Variants in CA10 observed in about 807,000 individuals in gnomAD.
CA10 encodes carbonic anhydrase-related protein 10.
Under a neutral mutation model 44.2 loss-of-function variants are expected in CA10, and 14 were observed. The ratio of observed to expected loss-of-function variants is 0.32; its 90% CI spans 0.21 to 0.50. The LOEUF is 0.50. CA10 is among the 20% of genes least tolerant of loss of function. The pLI is 0.99. For missense variants in CA10, 350 were observed against 409.7 expected (o/e 0.85, Z 1.26); for synonymous variants, 159 against 141.6 (o/e 1.12, Z -0.87).
At chr17:51,749,402 G>A (rs1367680472) in intron 3 of CA10, among the ~76,000 whole-genome samples, 1 of 152,172 alleles carries the variant, frequency 6.6e-6, no homozygotes, top group Non-Finnish European at 1.5e-5. Flanking sequence ...CCATGCAAAT[G>A]AGCCTGGGCT....
At chr17:52,005,014 A>T (rs1189388539) in intron 2 of CA10, among the ~76,000 whole-genome samples, 1 of 151,840 alleles carries the variant, frequency 6.6e-6, no homozygotes, top group Non-Finnish European at 1.5e-5. Context: ...AAGAAATAAG[A>T]CCCTCAAGTA....
At chr17:52,102,942 A>G (rs1248268574) in intron 1 of CA10, among the ~76,000 whole-genome samples, 1 of 152,154 alleles carries the variant, frequency 6.6e-6, no homozygotes, top group Non-Finnish European at 1.5e-5. Context: ...CTTACTGTTG[A>G]CATGCATATA....
intron 3 of CA10, among the ~76,000 whole-genome samples, chr17:51,913,054 A>G (rs1981852698): frequency 6.6e-6 from 1 of 152,180 alleles, no homozygotes; most frequent in Non-Finnish European, 1.5e-5. Flanking sequence ...GCTAAGGGGC[A>G]GTGTGGAAGG....
intron 3 of CA10, among the ~76,000 whole-genome samples, chr17:51,917,837 T>C (rs1982065252): frequency 6.6e-6 from 1 of 152,106 alleles, no homozygotes; most frequent in Non-Finnish European, 1.5e-5. Context: ...GGGCACAATA[T>C]CCCAACTATA....
intron 2 of CA10, among the ~76,000 whole-genome samples, chr17:51,955,609 C>A (rs2097491135): frequency 6.6e-6 from 1 of 152,106 alleles, no homozygotes; most frequent in Non-Finnish European, 1.5e-5. Flanking sequence ...TTCTGAGAAA[C>A]CTTCCAGCCA....
intron 2 of CA10, among the ~76,000 whole-genome samples, chr17:51,980,609 T>C (rs1598150842): frequency 1.3e-5 from 2 of 152,140 alleles, no homozygotes; most frequent in Non-Finnish European, 2.9e-5. Flanking sequence ...ATGTCTAGGA[T>C]GGTATTGCCT....
At chr17:51,696,855 A>G (rs1915419832) in intron 4 of CA10, among the ~76,000 whole-genome samples, 1 of 152,234 alleles carries the variant, frequency 6.6e-6, no homozygotes, top group African/African-American at 2.4e-5. Context: ...GCAGCAAAAA[A>G]CAAACATATA....
chr17:51,769,716 G>A (rs1905526218), intron 3 of CA10, among the ~76,000 whole-genome samples: 1 of 152,138 alleles, frequency 6.6e-6, no homozygotes, highest in Non-Finnish European at 1.5e-5. Flanking sequence ...TAGCTAGTGA[G>A]TTAAACACTA....
intron 6 of CA10, 31 bp downstream of exon 6, chr17:51,649,151 G>T (rs748261466): frequency 6.6e-7 from 1 of 1,521,372 alleles, no homozygotes; most frequent in East Asian, 2.2e-5. Context: ...TTATAGAATA[G>T]TTGCTGTGGA....
chr17:51,983,810 A>G (rs1296230957), intron 2 of CA10, among the ~76,000 whole-genome samples: 1 of 151,746 alleles, frequency 6.6e-6, no homozygotes, highest in Non-Finnish European at 1.5e-5. Context: ...TCATGATTGG[A>G]GATAAAATTT....
At chr17:51,938,166 G>T (rs1335117796) in intron 2 of CA10, among the ~76,000 whole-genome samples, 1 of 152,158 alleles carries the variant, frequency 6.6e-6, no homozygotes, top group East Asian at 1.9e-4. Context: ...AAAAATGGGG[G>T]TGACAGCTAC....
chr17:52,095,348 G>T lies in CA10; in HGVS notation c.62-22955C>A, dbSNP rs140821432. 1.3e-4 allele frequency among the ~76,000 whole-genome samples: 20 copies of T among 152,210 alleles called. No homozygotes were observed. In the East Asian group the frequency reaches 3.9e-3, roughly 29 times the overall value. On this transcript the variant is annotated intron_variant, in intron 1 of 8. Transcript: ENST00000451037. ...TGTTGGTAATTGACTGGGAAGGGAT[G>T]GGGGTGAACCTATGGAGTGATGAAA... is the stretch of plus-strand genomic sequence containing the variant.
chr17:51,978,410 GTGTC>G (rs1446281250), intron 2 of CA10, among the ~76,000 whole-genome samples: 5 of 150,838 alleles, frequency 3.3e-5, no homozygotes, highest in East Asian at 1.9e-4. Flanking sequence ...GTGTGTGTGT[GTGTC>G]TGTGTGTATG....
intron 4 of CA10, among the ~76,000 whole-genome samples, chr17:51,728,150 A>G (rs1916591513): frequency 6.6e-6 from 1 of 152,142 alleles, no homozygotes; most frequent in Non-Finnish European, 1.5e-5. Context: ...TTAGCCTCCA[A>G]AATTTCTGGG....
chr17:51,893,206 G>A (rs951577370), intron 3 of CA10, among the ~76,000 whole-genome samples: 1 of 152,124 alleles, frequency 6.6e-6, no homozygotes, highest in Non-Finnish European at 1.5e-5. Flanking sequence ...CCACCATGAA[G>A]GATTGAGAGT....
chr17:51,825,594 C>A (rs1010038971), intron 3 of CA10, among the ~76,000 whole-genome samples: 5 of 152,196 alleles, frequency 3.3e-5, no homozygotes, highest in Non-Finnish European at 7.3e-5. Flanking sequence ...TCTTTTGAAC[C>A]AGGAACACCA....
At chr17:51,945,170 C>A (rs1197876917) in intron 2 of CA10, among the ~76,000 whole-genome samples, 2 of 152,130 alleles carry the variant, frequency 1.3e-5, no homozygotes, top group Admixed American at 1.3e-4. Context: ...GGCTGGTTTT[C>A]ATCCTAATTG....
intron 3 of CA10, among the ~76,000 whole-genome samples, chr17:51,869,584 G>A (rs1463724139): frequency 6.6e-6 from 1 of 152,148 alleles, no homozygotes; most frequent in Non-Finnish European, 1.5e-5. Context: ...ACCCTGGACA[G>A]AGCCATTTTG....
At chr17:51,634,018 G>A (rs1033234410) in intron 7 of CA10, among the ~76,000 whole-genome samples, 4 of 152,182 alleles carry the variant, frequency 2.6e-5, no homozygotes, top group Non-Finnish European at 2.9e-5. Context: ...ATGGTATTAC[G>A]TGGATCATAG....
Sources: allele counts gnomAD v4.1 joint callset (sites outside exome capture counted in the v4.1 genomes callset), GRCh38; gene constraint gnomAD v4.1.1; transcripts MANE v1.5; gene names NCBI Gene and HGNC (gene_info 2026-07-23, HGNC 2026-07-21).